CFAP70: variants seen among roughly 807,000 people sequenced by gnomAD.
The protein encoded by CFAP70 is cilia and flagella associated protein 70.
CFAP70 carries 81 observed loss-of-function variants against 137.6 expected under a neutral mutation model. The ratio of observed to expected loss-of-function variants is 0.59; its 90% CI spans 0.49 to 0.71. The LOEUF (loss-of-function observed/expected upper bound fraction) is 0.71, where lower values mean the gene tolerates loss of function less well. Ranked by LOEUF, CFAP70 falls within the 30% of genes least tolerant of loss-of-function variation. The pLI is 0.00. For missense variants in CFAP70, 976 were observed against 1,226.7 expected, an observed-to-expected ratio of 0.80 and a Z score of 3.05; for synonymous variants, 382 against 423.6, an observed-to-expected ratio of 0.90 and a Z score of 1.20.
intron 19 of CFAP70, 31 bp from the exon 21 acceptor site, chr10:73,278,368 A>T: frequency 6.3e-7 from 1 of 1,576,854 alleles, no homozygotes; most frequent in Non-Finnish European, 8.7e-7. Context: ...TGAAAAATAA[A>T]ACTTCTTACA....
intron 9 of CFAP70, among the ~76,000 whole-genome samples, chr10:73,321,998 G>A (rs973207544): frequency 6.6e-6 from 1 of 152,106 alleles, no homozygotes; most frequent in African/African-American, 2.4e-5. Flanking sequence ...TGGCCAGGCT[G>A]GTTTCCAACT....
At chr10:73,297,155 C>A in exon 15 of CFAP70, 2 of 1,613,090 alleles carry the variant, frequency 1.2e-6, no homozygotes, top group Non-Finnish European at 1.7e-6. Flanking sequence ...TTATCTCTCA[C>A]AATCTTTACC....
chr10:73,308,632 A>G, intron 12 of CFAP70, among the ~76,000 whole-genome samples: 2 of 151,424 alleles, frequency 1.3e-5, no homozygotes. Context: ...CCGTCTCAAA[A>G]AAAAAAAAAA....
At chr10:73,267,769 T>C (rs878999254) in intron 25 of CFAP70, among the ~76,000 whole-genome samples, 2 of 152,238 alleles carry the variant, frequency 1.3e-5, no homozygotes, top group Admixed American at 1.3e-4. Context: ...GAGTTCTTAT[T>C]TGCAGGCTCT....
At chr10:73,265,683 ATTAC>A (rs1452631374) in intron 25 of CFAP70, among the ~76,000 whole-genome samples, 1 of 152,226 alleles carries the variant, frequency 6.6e-6, no homozygotes, top group Non-Finnish European at 1.5e-5. Flanking sequence ...GAAAACTCCA[ATTAC>A]TTTTAAATAC....
chr10:73,335,497 A>T, exon 7 of CFAP70: 23 of 1,610,818 alleles, frequency 1.4e-5, no homozygotes, highest in Non-Finnish European at 2.0e-5. Flanking sequence ...TTCTTTATGC[A>T]CTCTGCTTGA....
chr10:73,320,515 G>A (rs923396421), intron 9 of CFAP70, among the ~76,000 whole-genome samples: 2 of 151,930 alleles, frequency 1.3e-5, no homozygotes, highest in African/African-American at 4.8e-5. Context: ...TTTTTGTAGA[G>A]ATAGGGTCCT....
intron 1 of CFAP70, among the ~76,000 whole-genome samples, chr10:73,355,864 T>C (rs201344067): frequency 6.6e-6 from 1 of 152,216 alleles, no homozygotes; most frequent in East Asian, 1.9e-4. Flanking sequence ...TCATCCCCGC[T>C]GCCCCCAGTC....
At chr10:73,266,024 T>C (rs1326382219) in intron 25 of CFAP70, among the ~76,000 whole-genome samples, 2 of 152,178 alleles carry the variant, frequency 1.3e-5, no homozygotes, top group East Asian at 3.8e-4. Flanking sequence ...TCATCAGAAC[T>C]TCCTGCCCAT....
At chr10:73,267,693 T>C (rs115817076) in intron 25 of CFAP70, among the ~76,000 whole-genome samples, 2 of 152,230 alleles carry the variant, frequency 1.3e-5, no homozygotes, top group Non-Finnish European at 2.9e-5. Flanking sequence ...ATCAGAAGCC[T>C]GACATTATTC....
At chr10:73,291,815 A>G in intron 17 of CFAP70, 60 bp from the exon 19 acceptor site, 1 of 1,613,574 alleles carries the variant, frequency 6.2e-7, no homozygotes, top group East Asian at 2.2e-5. Flanking sequence ...TATGGAACCA[A>G]GACAATTTCA....
At chr10:73,340,884 C>A (rs2053188966) in intron 6 of CFAP70, among the ~76,000 whole-genome samples, 1 of 152,212 alleles carries the variant, frequency 6.6e-6, no homozygotes, top group Admixed American at 6.5e-5. Context: ...TCCAAGAGTG[C>A]AGAGATGCCT....
intron 16 of CFAP70, among the ~76,000 whole-genome samples, chr10:73,292,811 G>A (rs1033100451): frequency 1.4e-4 from 21 of 151,840 alleles, no homozygotes; most frequent in Admixed American, 5.2e-4. Flanking sequence ...TAGAGCAAAT[G>A]TTTTTAACTT....
chr10:73,324,794 TA>T (rs1176122372), intron 8 of CFAP70, among the ~76,000 whole-genome samples: 11 of 151,914 alleles, frequency 7.2e-5, no homozygotes, highest in Admixed American at 7.2e-4. Flanking sequence ...GAAAAAAGAA[TA>T]AAAAGAAACA....
At chr10:73,253,889 C>G (rs1308447067) in exon 27 of CFAP70, 5 of 1,071,612 alleles carry the variant, frequency 4.7e-6, no homozygotes, top group Non-Finnish European at 6.8e-6. Flanking sequence ...CTTTCGTTCT[C>G]CAGCTCCAGG....
At chr10:73,271,123 G>C (rs1282683842) in intron 24 of CFAP70, among the ~76,000 whole-genome samples, 1 of 147,292 alleles carries the variant, frequency 6.8e-6, no homozygotes, top group African/African-American at 2.4e-5. Flanking sequence ...TTGAGCCACT[G>C]TACACCAGCC....
At chr10:73,358,965 C>T (rs2054891385), upstream of CFAP70, 1 of 152,206 alleles carries the variant, frequency 6.6e-6, no homozygotes, top group Admixed American at 6.5e-5. Context: ...GCATAGGTTT[C>T]CACCTTTACA....
At chr10:73,313,263 T>A (rs927205286) in intron 9 of CFAP70, among the ~76,000 whole-genome samples, 2 of 150,876 alleles carry the variant, frequency 1.3e-5, no homozygotes, top group Non-Finnish European at 2.9e-5. Context: ...TGCCAGCTAC[T>A]CGGGAGGCTG....
exon 19 of CFAP70, chr10:73,291,316 T>C (rs763831489): frequency 1.2e-6 from 2 of 1,614,226 alleles, no homozygotes; most frequent in African/African-American, 1.3e-5. Flanking sequence ...CTTTCCTCAG[T>C]GTCTTCTACA....
Sources: gnomAD v4.1 joint callset for allele counts (sites outside exome capture counted in the v4.1 genomes callset) on GRCh38, gnomAD v4.1.1 for gene constraint, MANE v1.5 for transcripts, NCBI Gene and HGNC (gene_info 2026-07-23, HGNC 2026-07-21) for gene names.